HIRA: variants seen among roughly 807,000 people sequenced by gnomAD.
HIRA encodes the protein histone cell cycle regulator.
In HIRA, 13 loss-of-function variants were observed where a neutral mutation model predicts 126.6. The ratio of observed to expected loss-of-function variants is 0.10; its 90% CI spans 0.07 to 0.16. HIRA has a LOEUF of 0.16. Among genes scored for constraint, HIRA ranks in the 10% least tolerant of loss-of-function variants. The pLI is 1.00. For missense variants in HIRA, 834 were observed against 1,314.4 expected (o/e 0.63, Z 5.65); for synonymous variants, 511 against 520.0 (o/e 0.98, Z 0.24).
chr22:19,349,963 CTGTT>C (rs1465074213), intron 24 of HIRA, among the ~76,000 whole-genome samples: 5 of 151,876 alleles, frequency 3.3e-5, no homozygotes, highest in African/African-American at 1.2e-4. Flanking sequence ...CTCTGCTTAT[CTGTT>C]TGTTTGGCCT....
intron 1 of HIRA, among the ~76,000 whole-genome samples, chr22:19,426,534 C>T (rs1034173018): frequency 1.3e-5 from 2 of 152,226 alleles, no homozygotes; most frequent in Non-Finnish European, 2.9e-5. Context: ...AGTGCCCTTC[C>T]TCCTTGGGCT....
intron 15 of HIRA, among the ~76,000 whole-genome samples, chr22:19,364,367 T>TA (rs1242087621): frequency 6.6e-6 from 1 of 152,194 alleles, no homozygotes; most frequent in Non-Finnish European, 1.5e-5. Flanking sequence ...TACCTTGTGT[T>TA]ATTGTGCTTT....
intron 14 of HIRA, among the ~76,000 whole-genome samples, chr22:19,376,459 C>T (rs761712921): frequency 2.3e-4 from 35 of 152,164 alleles, no homozygotes; most frequent in Non-Finnish European, 4.4e-5. Context: ...CAGGCTAACA[C>T]CTTCCACTCC....
Position 19,403,645 on chromosome 22 carries a change from C to T in HIRA, c.397+2141G>A, listed in dbSNP as rs541139305. Among the ~76,000 whole-genome samples the T allele has an allele frequency of 3.0e-4, 46 of 152,220 alleles. No homozygotes were observed. In the South Asian group the frequency reaches 7.7e-3, roughly 25 times the overall value. On this transcript the variant is annotated intron_variant, in intron 5 of 24. Coordinates refer to ENST00000263208, the MANE Select transcript of HIRA (RefSeq NM_003325.4). ...AAATAAATAAATGAGTAACTGCTTT[C>T]AAGTGTTATTATATTTACTAGTATT...
intron 1 of HIRA, among the ~76,000 whole-genome samples, chr22:19,417,376 C>A: frequency 6.6e-6 from 1 of 152,068 alleles, no homozygotes; most frequent in East Asian, 1.9e-4. Flanking sequence ...GTAATCCCAG[C>A]ACTTTGAGAG....
Position 19,431,633 on chromosome 22 carries a change from C to G in HIRA, c.-157G>C. 7.2e-6 allele frequency: 5 copies of G among 690,816 alleles called. No homozygotes were observed. The highest frequency in any genetic ancestry group is 7.3e-6 in the Non-Finnish European group (4 of 546,016). 42.8% of individuals were successfully genotyped at this position (690,816 alleles called of 1,614,324 possible). A position where few individuals can be genotyped will look rare whatever the true frequency, so the allele number is the denominator to read the frequency against. On this transcript the variant is annotated 5_prime_UTR_variant, in exon 1 of 25. Coordinates refer to ENST00000263208, the MANE Select transcript of HIRA (RefSeq NM_003325.4). ...GCCGCCGCGCCATCGCCGGCCCGCG[C>G]CCCCCTCCGCCGCCACAGCCGCCAC...
chr22:19,387,315 C>G (rs984131734), intron 11 of HIRA, among the ~76,000 whole-genome samples: 2 of 152,312 alleles, frequency 1.3e-5, no homozygotes, highest in Admixed American at 1.3e-4. Context: ...GTGCAAAACA[C>G]ATTCCCAGAG....
At chr22:19,415,294 A>G (rs1461350506) in intron 1 of HIRA, among the ~76,000 whole-genome samples, 2 of 152,240 alleles carry the variant, frequency 1.3e-5, no homozygotes, top group Non-Finnish European at 2.9e-5. Flanking sequence ...AACAATGAAC[A>G]ATCTGAAAGG....
At chr22:19,429,647 G>C (rs1392946760) in intron 1 of HIRA, among the ~76,000 whole-genome samples, 2 of 152,188 alleles carry the variant, frequency 1.3e-5, no homozygotes, top group Non-Finnish European at 2.9e-5. Context: ...CTTGGCTGCT[G>C]ATCTGAGTGT....
chr22:19,382,267 A>G (rs992773744), intron 13 of HIRA, among the ~76,000 whole-genome samples: 1 of 152,074 alleles, frequency 6.6e-6, no homozygotes, highest in Non-Finnish European at 1.5e-5. Flanking sequence ...AGCCACCTAC[A>G]CCTTCTCACC....
intron 5 of HIRA, among the ~76,000 whole-genome samples, chr22:19,399,845 A>G (rs963651419): frequency 9.2e-5 from 14 of 152,172 alleles, no homozygotes; most frequent in African/African-American, 3.4e-4. Flanking sequence ...GTGTTTTTGG[A>G]CTGATTTGCT....
intron 24 of HIRA, among the ~76,000 whole-genome samples, chr22:19,348,965 G>C (rs12106529): frequency 0.024 from 3,537 of 150,262 alleles, 157 homozygotes; most frequent in African/African-American, 0.082. Flanking sequence ...TTTTTTTTTA[G>C]TAGAGTCGGG....
At chr22:19,377,776 A>G (rs1328381068) in intron 14 of HIRA, 93 bp downstream of exon 14, 4 of 1,166,014 alleles carry the variant, frequency 3.4e-6, no homozygotes, top group Non-Finnish European at 4.8e-6. Flanking sequence ...AAGGGGCCAC[A>G]AAGTGCAAAC....
At chr22:19,420,471 A>AAAAAAC (rs2089436625) in intron 1 of HIRA, among the ~76,000 whole-genome samples, 1 of 141,574 alleles carries the variant, frequency 7.1e-6, no homozygotes. Flanking sequence ...TCAAAAAAAA[A>AAAAAAC]AAAAAAAAAA....
Position 19,431,482 on chromosome 22 carries a change from G to GGCCGCCGCC in HIRA, c.-15_-7dup, listed in dbSNP as rs535003721. 1.3e-6 allele frequency: 2 copies of GGCCGCCGCC among 1,597,912 alleles called. No homozygotes were observed. The highest frequency in any genetic ancestry group is 1.7e-4 in the Middle Eastern group (1 of 5,976). ...GTCGGCTTCAGGAGCTTCATTGTTCGGCCGCCGCCGCCGCCGGGCTGAGGC... is the reference window on the plus strand; with the variant it reads ...GTCGGCTTCAGGAGCTTCATTGTTCGGCCGCCGCCGCCGCCGCCGCCGCCGGGCTGAGGC... On this transcript the variant is annotated 5_prime_UTR_variant, in exon 1 of 25. Transcript: ENST00000263208.
At chr22:19,334,472 G>A (rs1409600372) in intron 24 of HIRA, among the ~76,000 whole-genome samples, 3 of 150,458 alleles carry the variant, frequency 2.0e-5, no homozygotes, top group Non-Finnish European at 3.0e-5. Flanking sequence ...CCAACATGGC[G>A]AAACCCCATC....
intron 1 of HIRA, among the ~76,000 whole-genome samples, chr22:19,428,356 A>T (rs866963606): frequency 6.6e-6 from 1 of 152,194 alleles, no homozygotes; most frequent in Non-Finnish European, 1.5e-5. Flanking sequence ...GGTGTTTGTG[A>T]AGTGCTACTG....
At chr22:19,390,806 G>C (rs752602742) in intron 9 of HIRA, among the ~76,000 whole-genome samples, 1 of 151,920 alleles carries the variant, frequency 6.6e-6, no homozygotes, top group African/African-American at 2.4e-5. Context: ...CCTAGGAGTG[G>C]AAGTGCTCTA....
chr22:19,422,780 T>A (rs996203840), intron 1 of HIRA, among the ~76,000 whole-genome samples: 1 of 152,176 alleles, frequency 6.6e-6, no homozygotes, highest in African/African-American at 2.4e-5. Context: ...CCCATAGCTA[T>A]CTGTGGAGTG....
Sources: gnomAD v4.1 joint callset for allele counts (sites outside exome capture counted in the v4.1 genomes callset) on GRCh38, gnomAD v4.1.1 for gene constraint, MANE v1.5 for transcripts, NCBI Gene and HGNC (gene_info 2026-07-23, HGNC 2026-07-21) for gene names.